The following LOC128462377 variants were observed in gnomAD, a reference collection of about 807,000 sequenced individuals.
the LOC128462377 span, among the ~76,000 whole-genome samples, chr16:89,332,941 G>A: frequency 2.0e-5 from 3 of 152,190 alleles, no homozygotes; most frequent in East Asian, 1.9e-4. Flanking sequence ...CTCAAGAAAC[G>A]AGCTGCAACA....
chr16:89,379,261 C>T, the LOC128462377 span, among the ~76,000 whole-genome samples: 2 of 152,228 alleles, frequency 1.3e-5, no homozygotes, highest in Non-Finnish European at 1.5e-5. Flanking sequence ...TTAATCCTAT[C>T]TTGAAAACTT....
the LOC128462377 span, among the ~76,000 whole-genome samples, chr16:89,347,091 C>T: frequency 6.6e-6 from 1 of 151,904 alleles, no homozygotes; most frequent in East Asian, 1.9e-4. Flanking sequence ...AGCACATGGG[C>T]TGGGCTCCTA....
the LOC128462377 span, among the ~76,000 whole-genome samples, chr16:89,399,588 C>A: frequency 6.6e-6 from 1 of 152,042 alleles, no homozygotes; most frequent in Admixed American, 6.6e-5. Context: ...AACGGTGGGT[C>A]CACATCAGGA....
chr16:89,369,183 C>G, the LOC128462377 span, among the ~76,000 whole-genome samples: 2 of 152,134 alleles, frequency 1.3e-5, no homozygotes, highest in Non-Finnish European at 2.9e-5. Flanking sequence ...AGAAGTTTTC[C>G]CAAGAGAGAA....
the LOC128462377 span, among the ~76,000 whole-genome samples, chr16:89,325,918 C>T: frequency 2.6e-5 from 4 of 152,142 alleles, no homozygotes; most frequent in Admixed American, 6.5e-5. Flanking sequence ...ATGAGCATGA[C>T]GACGGAGCAG....
chr16:89,372,038 G>C, the LOC128462377 span, among the ~76,000 whole-genome samples: 3 of 152,198 alleles, frequency 2.0e-5, no homozygotes, highest in African/African-American at 7.2e-5. Flanking sequence ...CCAGGACTGA[G>C]CACTCACACT....
chr16:89,397,310 C>T, the LOC128462377 span, among the ~76,000 whole-genome samples: 1 of 152,266 alleles, frequency 6.6e-6, no homozygotes, highest in African/African-American at 2.4e-5. Context: ...AGGCCTCTCA[C>T]AAGTCCAACT....
chr16:89,331,345 C>T, the LOC128462377 span, among the ~76,000 whole-genome samples: 1 of 152,196 alleles, frequency 6.6e-6, no homozygotes, highest in African/African-American at 2.4e-5. Flanking sequence ...GCACAGTTCA[C>T]ATCATATATC....
At chr16:89,402,009 G>A in the LOC128462377 span, among the ~76,000 whole-genome samples, 1 of 151,228 alleles carries the variant, frequency 6.6e-6, no homozygotes, top group Non-Finnish European at 1.5e-5. Flanking sequence ...AGCCGTGGGA[G>A]AACAGATCCT....
the LOC128462377 span, among the ~76,000 whole-genome samples, chr16:89,396,671 C>T: frequency 5.9e-5 from 9 of 152,216 alleles, no homozygotes; most frequent in African/African-American, 2.2e-4. Flanking sequence ...AAATGCTCCT[C>T]TAATTGCTAT....
the LOC128462377 span, among the ~76,000 whole-genome samples, chr16:89,317,962 G>C: frequency 6.6e-6 from 1 of 152,138 alleles, no homozygotes; most frequent in African/African-American, 2.4e-5. Context: ...AAGGAAACTA[G>C]AAAGTGTCCC....
the LOC128462377 span, among the ~76,000 whole-genome samples, chr16:89,333,383 G>A: frequency 2.7e-3 from 415 of 152,286 alleles, no homozygotes; most frequent in Middle Eastern, 0.027. Flanking sequence ...ATCACCCACA[G>A]GCCGCACGAC....
the LOC128462377 span, among the ~76,000 whole-genome samples, chr16:89,331,201 G>A: frequency 6.6e-6 from 1 of 152,242 alleles, no homozygotes; most frequent in Non-Finnish European, 1.5e-5. Context: ...TGATCTGCCT[G>A]CTTTGGATTC....
At chr16:89,331,548 G>C in the LOC128462377 span, among the ~76,000 whole-genome samples, 10 of 152,214 alleles carry the variant, frequency 6.6e-5, no homozygotes, top group Admixed American at 2.0e-4. Flanking sequence ...ATTTAGGAAA[G>C]AGCCTTTTGA....
At chr16:89,358,534 T>C in the LOC128462377 span, among the ~76,000 whole-genome samples, 6 of 152,336 alleles carry the variant, frequency 3.9e-5, no homozygotes, top group East Asian at 1.9e-4. Flanking sequence ...TCACTACGCA[T>C]TGCATGCCTA....
the LOC128462377 span, among the ~76,000 whole-genome samples, chr16:89,367,614 G>T: frequency 1.3e-5 from 2 of 152,100 alleles, no homozygotes; most frequent in African/African-American, 4.8e-5. Flanking sequence ...CATTGCTTGG[G>T]GGCCTCTATA....
At chr16:89,406,883 C>T in the LOC128462377 span, among the ~76,000 whole-genome samples, 3 of 152,166 alleles carry the variant, frequency 2.0e-5, no homozygotes, top group Non-Finnish European at 4.4e-5. Flanking sequence ...AAATCAGCAA[C>T]ATTAAGAACA....
the LOC128462377 span, chr16:89,360,821 A>C: frequency 6.6e-6 from 1 of 152,276 alleles, no homozygotes; most frequent in Non-Finnish European, 1.5e-5. Flanking sequence ...AGATCCAAGT[A>C]ATCAGATACC....
the LOC128462377 span, among the ~76,000 whole-genome samples, chr16:89,377,058 T>C: frequency 3.3e-5 from 5 of 152,350 alleles, no homozygotes; most frequent in East Asian, 1.9e-4. Flanking sequence ...AGGAAGTACC[T>C]TGCCTTGCCA....
Sources: gnomAD v4.1 joint callset for allele counts (sites outside exome capture counted in the v4.1 genomes callset) on GRCh38, gnomAD v4.1.1 for gene constraint, MANE v1.5 for transcripts.